Variants in CEP112 observed in about 807,000 individuals in gnomAD.
The protein encoded by CEP112 is centrosomal protein 112.
A neutral mutation model predicts 153.0 loss-of-function variants in CEP112; 127 were observed. That is an observed-to-expected ratio of 0.83 (90% confidence interval 0.72 to 0.96). The LOEUF (loss-of-function observed/expected upper bound fraction) is 0.96. Among genes scored for constraint, CEP112 ranks in the 40% least tolerant of loss-of-function variants. The pLI is 0.00. For missense variants in CEP112, 1,089 were observed against 1,101.2 expected, an observed-to-expected ratio of 0.99 and a Z score of 0.16; for synonymous variants, 358 against 374.4, an observed-to-expected ratio of 0.96 and a Z score of 0.51.
chr17:66,037,982 G>A (rs2065807042), intron 12 of CEP112, among the ~76,000 whole-genome samples: 5 of 151,758 alleles, frequency 3.3e-5, no homozygotes. Context: ...GTCTGTGAAG[G>A]CTGACATAAG....
chr17:66,102,069 C>A (rs1278267274), intron 6 of CEP112, among the ~76,000 whole-genome samples: 1 of 152,110 alleles, frequency 6.6e-6, no homozygotes, highest in African/African-American at 2.4e-5. Context: ...TAGATAAAAG[C>A]ATGGTAGTTT....
chr17:66,067,330 G>T (rs969212926), intron 9 of CEP112, among the ~76,000 whole-genome samples: 1 of 152,200 alleles, frequency 6.6e-6, no homozygotes, highest in African/African-American at 2.4e-5. Flanking sequence ...TCAAATGTCA[G>T]TGTTTTGTAA....
At chr17:65,675,606 A>C (rs988962041) in intron 24 of CEP112, among the ~76,000 whole-genome samples, 10 of 151,190 alleles carry the variant, frequency 6.6e-5, no homozygotes, top group Non-Finnish European at 1.0e-4. Flanking sequence ...AAACTTTAAC[A>C]CCAACATCCG....
At chr17:66,175,287 G>T in intron 3 of CEP112, 71 bp from the exon 4 acceptor site, 1 of 1,152,614 alleles carries the variant, frequency 8.7e-7, no homozygotes, top group Non-Finnish European at 1.1e-6. Context: ...TTTCCATCAA[G>T]TTTCAAGTTT....
chr17:65,939,550 A>C (rs567551224), intron 18 of CEP112, among the ~76,000 whole-genome samples: 1 of 152,346 alleles, frequency 6.6e-6, no homozygotes, highest in Middle Eastern at 3.4e-3. Context: ...CTGATACATT[A>C]GCCAGAGGAA....
intron 23 of CEP112, among the ~76,000 whole-genome samples, chr17:65,690,379 T>C (rs949025697): frequency 6.9e-6 from 1 of 144,584 alleles, no homozygotes; most frequent in Non-Finnish European, 1.5e-5. Context: ...TGGGCTATGA[T>C]TGTGTCACTG....
intron 10 of CEP112, among the ~76,000 whole-genome samples, chr17:66,065,875 T>G (rs1196661944): frequency 1.3e-5 from 2 of 152,086 alleles, no homozygotes; most frequent in Non-Finnish European, 2.9e-5. Flanking sequence ...ATGATCCACC[T>G]GCCTCGGCCT....
intron 8 of CEP112, among the ~76,000 whole-genome samples, chr17:66,090,881 G>A (rs767157737): frequency 2.8e-4 from 42 of 152,044 alleles, no homozygotes; most frequent in Non-Finnish European, 5.2e-4. Context: ...TGGAAAGAGC[G>A]AGGGTAGAAA....
At chr17:65,998,512 T>G (rs1379743635) in intron 17 of CEP112, among the ~76,000 whole-genome samples, 1 of 151,414 alleles carries the variant, frequency 6.6e-6, no homozygotes, top group Non-Finnish European at 1.5e-5. Context: ...TTTTATGGTG[T>G]GAGAATTGTA....
chr17:66,075,728 G>T (rs913893730), intron 8 of CEP112, among the ~76,000 whole-genome samples: 6 of 152,126 alleles, frequency 3.9e-5, no homozygotes, highest in African/African-American at 1.4e-4. Context: ...GCTCCAACTC[G>T]GACAGACAGA....
intron 23 of CEP112, among the ~76,000 whole-genome samples, chr17:65,708,694 G>A (rs1417654218): frequency 2.0e-5 from 3 of 152,158 alleles, no homozygotes; most frequent in Non-Finnish European, 4.4e-5. Flanking sequence ...TTAAACTGCA[G>A]ACAAAGTTTT....
At chr17:65,822,695 T>C (rs2056649308) in intron 21 of CEP112, among the ~76,000 whole-genome samples, 1 of 152,094 alleles carries the variant, frequency 6.6e-6, no homozygotes, top group African/African-American at 2.4e-5. Context: ...TTTTGAGGAG[T>C]CATTTTCCAA....
chr17:66,158,914 C>G (rs920741367), intron 4 of CEP112, among the ~76,000 whole-genome samples: 2 of 152,086 alleles, frequency 1.3e-5, no homozygotes, highest in Admixed American at 6.6e-5. Context: ...AATCCAGGAG[C>G]TGGTTTTTTG....
chr17:65,949,035 A>G (rs2061733578), intron 18 of CEP112, among the ~76,000 whole-genome samples: 1 of 144,328 alleles, frequency 6.9e-6, no homozygotes, highest in Non-Finnish European at 1.5e-5. Flanking sequence ...GGAAAAATCT[A>G]AACACATTAT....
intron 24 of CEP112, among the ~76,000 whole-genome samples, chr17:65,686,906 T>C (rs2144335785): frequency 6.6e-6 from 1 of 152,026 alleles, no homozygotes; most frequent in East Asian, 1.9e-4. Flanking sequence ...AAAATTGTCA[T>C]GGAAGGAGCA....
Position 65,950,699 on chromosome 17 carries a change from CTAGTAGTAGTAGTAGTAG to C in CEP112, c.1872+10746_1872+10763del, listed in dbSNP as rs111958511. Among the ~76,000 whole-genome samples the C allele has an allele frequency of 1.4e-5, 2 of 147,134 alleles. 1 individual carries two copies. Among genetic ancestry groups the C allele is most frequent in the Non-Finnish European group, 3.0e-5 (2 of 66,948 alleles). On this transcript the variant is annotated intron_variant, in intron 18 of 26. Coordinates refer to ENST00000535342, the MANE Select transcript of CEP112 (RefSeq NM_001199165.4). The stretch of plus-strand genomic sequence containing the variant: ...CTTTCTTTCCATTCTGGATACATTA[CTAGTAGTAGTAGTAGTAG>C]TAGTAGTAGTAGTAGTAGTAGTATT...
At chr17:66,168,629 G>GA (rs1289359778) in intron 4 of CEP112, among the ~76,000 whole-genome samples, 2 of 151,846 alleles carry the variant, frequency 1.3e-5, no homozygotes, top group Non-Finnish European at 2.9e-5. Context: ...TCTCACCTAG[G>GA]AGTCCATAAT....
chr17:65,899,941 CCTA>C (rs1256188501), intron 20 of CEP112, among the ~76,000 whole-genome samples: 2 of 152,080 alleles, frequency 1.3e-5, no homozygotes. Flanking sequence ...AAATTATATG[CCTA>C]CTTTGTTTCC....
In CEP112 at chr17:66,092,322, G is replaced by A. The variant is rs561715930; in HGVS notation, c.768+3929C>T. 6.0e-5 allele frequency among the ~76,000 whole-genome samples: 9 copies of A among 150,062 alleles called. No individual in the cohort carries two copies. In the Admixed American group the frequency reaches 6.0e-4, roughly 10 times the overall value. On this transcript the variant is annotated intron_variant, in intron 8 of 26. Transcript: ENST00000535342. ...CCCAAAGTGCTGGGATTACAGGTGTGAGCCACCGAGTCCGGCCTTGAAGCA... is the reference window on the plus strand; with the variant it reads ...CCCAAAGTGCTGGGATTACAGGTGTAAGCCACCGAGTCCGGCCTTGAAGCA...
Sources: gnomAD v4.1 joint callset for allele counts (sites outside exome capture counted in the v4.1 genomes callset) on GRCh38, gnomAD v4.1.1 for gene constraint, MANE v1.5 for transcripts, NCBI Gene and HGNC (gene_info 2026-07-23, HGNC 2026-07-21) for gene names.